CENPF: variants seen among roughly 807,000 people sequenced by gnomAD.
CENPF encodes the protein centromere protein F.
In CENPF, 214 loss-of-function variants were observed where a neutral mutation model predicts 307.3. The ratio of observed to expected loss-of-function variants is 0.70; its 90% CI spans 0.62 to 0.78. CENPF has a LOEUF of 0.78. CENPF is among the 30% of genes least tolerant of loss of function. The pLI is 0.00. For missense variants in CENPF, 3,401 were observed against 3,483.9 expected, an observed-to-expected ratio of 0.98 and a Z score of 0.60; for synonymous variants, 1,259 against 1,270.6, an observed-to-expected ratio of 0.99 and a Z score of 0.19.
At chr1:214,619,088 C>A in intron 4 of CENPF, 41 bp from the exon 5 acceptor site, 1 of 993,892 alleles carries the variant, frequency 1.0e-6, no homozygotes, top group Non-Finnish European at 1.6e-6. Context: ...TTCATGGAAT[C>A]AATGACTGAA....
chr1:214,645,298 G>T lies in CENPF; in HGVS notation c.5728G>T (p.Glu1910Ter). ...AAATGAGCTGAGTAGGATCAGATCGGAGAAAGCTAGCATTGAGCATGAAGC... is the reference window on the plus strand; with the variant it reads ...AAATGAGCTGAGTAGGATCAGATCGTAGAAAGCTAGCATTGAGCATGAAGC... ...VENELSRIRS[E>*]KASIEHEALY... Residue 1910 changes from glutamate to a stop codon, truncating the protein, a stop_gained, in exon 13 of 20, where the codon GAG (glutamate) becomes TAG (stop). Coordinates refer to ENST00000366955, the MANE Select transcript of CENPF (RefSeq NM_016343.4). LOFTEE classifies it high-confidence loss of function. 6.2e-7 allele frequency: 1 copy of T among 1,614,126 alleles called. No individual in the cohort carries two copies. The highest frequency in any genetic ancestry group is 8.5e-7 in the Non-Finnish European group (1 of 1,180,020).
rs1298566753 is a variant in CENPF at position 214,659,876 on chromosome 1, G to C, written c.9141+848G>C. On this transcript the variant is annotated intron_variant, in intron 19 of 19. Coordinates refer to ENST00000366955, the MANE Select transcript of CENPF (RefSeq NM_016343.4). This position sits in a 1 kb window ranked among gnomAD's most constrained non-coding sequence, Gnocchi z 4.4. The stretch of plus-strand genomic sequence containing the variant: ...GATATTTTTGGAAGTTGCTGGAATA[G>C]CTTCAAAGAGTTTGAACAGTCTGTG... Among the ~76,000 whole-genome samples, 2 of 152,112 alleles carry C rather than the reference G, an allele frequency of 1.3e-5. No individual in the cohort carries two copies. Among genetic ancestry groups the C allele is most frequent in the African/African-American group, 4.8e-5 (2 of 41,426 alleles).
At chr1:214,629,844 G>T (rs979649577) in intron 8 of CENPF, among the ~76,000 whole-genome samples, 1 of 152,178 alleles carries the variant, frequency 6.6e-6, no homozygotes, top group African/African-American at 2.4e-5. Context: ...GAGCCACCAT[G>T]CCTGGCCAAC....
At position 214,646,894 on chromosome 1, in the gene CENPF, A is replaced by G. The variant is rs776683594; in HGVS notation, c.7324A>G (p.Met2442Val). 6.8e-6 allele frequency: 11 copies of G among 1,614,086 alleles called. No individual in the cohort carries two copies. In the South Asian group the frequency reaches 7.7e-5, roughly 11 times the overall value. ...AGAAAAATCAAGCACTGCCATGGAG[A>G]TGCTTCAAACACAATTAAAAGAGCT... ...MKEKSSTAME[M>V]LQTQLKELNE... is the part of the protein sequence containing the mutation. The change falls in exon 13 of 20, where the codon ATG (methionine) becomes GTG (valine). Residue 2442 changes from methionine to valine, a missense_variant. Physicochemically the swap from Met to Val is conservative, Grantham distance 21. Transcript: ENST00000366955.
rs765070626 is a variant in CENPF at position 214,646,644 on chromosome 1, G to A, written c.7074G>A (p.Glu2358=). The change falls in exon 13 of 20, where the codon GAG becomes GAA. Residue 2358 remains glutamate (E), a synonymous_variant. Coordinates refer to ENST00000366955, the MANE Select transcript of CENPF (RefSeq NM_016343.4). ...ARTNQEHAAL[E]AENSKGEVET... is the part of the protein sequence containing the mutation. ...CAAACCAAGAGCATGCAGCTCTTGA[G>A]GCAGAGAATTCCAAAGGAGAGGTAG... The A allele has an allele frequency of 6.2e-7, 1 of 1,613,962 alleles. No homozygotes were observed. The highest frequency in any genetic ancestry group is 8.5e-7 in the Non-Finnish European group (1 of 1,179,958).
At chr1:214,617,143 C>A (rs1357429566) in intron 3 of CENPF, among the ~76,000 whole-genome samples, 4 of 151,858 alleles carry the variant, frequency 2.6e-5, no homozygotes, top group Non-Finnish European at 4.4e-5. Context: ...CCTCCGCCTC[C>A]TGGGTTCAAG....
At position 214,639,939 on chromosome 1, in the gene CENPF, A is replaced by T; in HGVS notation, c.1601A>T (p.Glu534Val). 1 of 1,535,442 alleles carries T rather than the reference A, an allele frequency of 6.5e-7. No individual in the cohort carries two copies. The highest frequency in any genetic ancestry group is 8.7e-7 in the Non-Finnish European group (1 of 1,150,034). The part of the protein sequence containing the change: ...EEMKAKNTSQ[E>V]TMLRDLQEKI... The stretch of plus-strand genomic sequence containing the variant: ...TAAATAGCGAAGAATACCTCTCAGG[A>T]AACCATGTTAAGAGATCTTCAAGAA... The change falls in exon 12 of 20, where the codon GAA becomes GTA. Residue 534 changes from glutamate (E) to valine (V), a missense_variant. By Grantham distance (121) the Glu-to-Val change is moderately radical. Coordinates refer to ENST00000366955, the MANE Select transcript of CENPF (RefSeq NM_016343.4).
rs759576620 is a variant in CENPF, at chr1:214,647,432, T to C, written c.7830+32T>C. 3.2e-6 allele frequency: 5 copies of C among 1,559,630 alleles called. No individual in the cohort carries two copies. The Admixed American group carries it at 7.6e-5, about 24-fold the overall frequency. On this transcript the variant is annotated intron_variant, in intron 13 of 19. Transcript: ENST00000366955. ...GGCTATATCTGTTTATGTTTAAATA[T>C]GTAGTCATGAGGCAGGAAACCATAT...
intron 10 of CENPF, among the ~76,000 whole-genome samples, chr1:214,635,799 G>A (rs1324793261): frequency 6.6e-6 from 1 of 152,082 alleles, no homozygotes; most frequent in Admixed American, 6.5e-5. Context: ...TCATTTAAAT[G>A]TCTCCAGTTA....
chr1:214,641,231 AATAAAAGGGAAATTGAAG>A lies in CENPF; in HGVS notation c.2895_2912del (p.Asn965_Glu971delinsLys). ...AGAAATGAGTTCCATCATTTCTCTA[AATAAAAGGGAAATTGAAG>A]AGCTGACCCAAGAGAATGGGACTCT... is the stretch of plus-strand genomic sequence containing the variant. On this transcript the variant is annotated inframe_deletion, in exon 12 of 20. Transcript: ENST00000366955. The A allele has an allele frequency of 6.2e-7, 1 of 1,603,420 alleles. No homozygotes were observed.
intron 1 of CENPF, among the ~76,000 whole-genome samples, chr1:214,611,274 A>G (rs1231985987): frequency 1.3e-5 from 2 of 152,138 alleles, no homozygotes; most frequent in Non-Finnish European, 2.9e-5. Context: ...TTTGGGCAGT[A>G]TGGCCATTTC....
chr1:214,626,427 T>A lies in CENPF; in HGVS notation c.1069-2619T>A, dbSNP rs116796955. On this transcript the variant is annotated intron_variant, in intron 7 of 19. Coordinates refer to ENST00000366955, the MANE Select transcript of CENPF (RefSeq NM_016343.4). ...CTGGAAGTAAAAATCAGGTTCATTT[T>A]TATATATTCTCCTAGTGCAGTGCCT... Among the ~76,000 whole-genome samples the A allele has an allele frequency of 5.0e-3, 755 of 152,350 alleles. 4 individuals are homozygous for A. Among genetic ancestry groups the A allele is most frequent in the African/African-American group, 0.017 (725 of 41,570 alleles).
chr1:214,647,461 C>A (rs1261851326), intron 13 of CENPF, 61 bp downstream of exon 13: 1 of 1,482,936 alleles, frequency 6.7e-7, no homozygotes, highest in Non-Finnish European at 9.0e-7. Context: ...ACCATATTTT[C>A]TTCTAGACAC....
chr1:214,608,826 C>T (rs1016335916), intron 1 of CENPF: 5 of 1,594,050 alleles, frequency 3.1e-6, no homozygotes, highest in East Asian at 2.3e-5. Flanking sequence ...GCTCACTCAG[C>T]GACAGCCCGT....
intron 13 of CENPF, 39 bp downstream of exon 13, chr1:214,647,439 A>G: frequency 3.9e-6 from 6 of 1,540,004 alleles, no homozygotes; most frequent in Non-Finnish European, 5.2e-6. Flanking sequence ...ATATGTAGTC[A>G]TGAGGCAGGA....
intron 6 of CENPF, among the ~76,000 whole-genome samples, chr1:214,621,834 C>A (rs928268179): frequency 1.3e-5 from 2 of 152,160 alleles, no homozygotes; most frequent in African/African-American, 4.8e-5. Context: ...AAAAGCATTC[C>A]CCCCACCAAG....
intron 1 of CENPF, chr1:214,608,224 C>G: frequency 1.5e-6 from 2 of 1,348,696 alleles, no homozygotes. Flanking sequence ...GAGCCGCCCA[C>G]CTTCCTCCCA....
At position 214,643,162 on chromosome 1, in the gene CENPF, G is replaced by T. The variant is rs943451935; in HGVS notation, c.4824G>T (p.Gln1608His). The T allele has an allele frequency of 2.5e-6, 4 of 1,601,138 alleles. No homozygotes were observed. The highest frequency in any genetic ancestry group is 2.2e-5 in the South Asian group (2 of 88,954). ...AGCAGTATTTGTCAGAAAATGAACA[G>T]TGGCAACAGAAGCTGACAAGCGTGA... is the stretch of plus-strand genomic sequence containing the variant. The part of the protein sequence containing the change: ...LRKQYLSENE[Q>H]WQQKLTSVTL... Residue 1608 changes from glutamine to histidine, a missense_variant, in exon 12 of 20, where the codon CAG becomes CAT. By Grantham distance (24) the Gln-to-His change is conservative. Transcript: ENST00000366955.
intron 15 of CENPF, 117 bp from the exon 16 acceptor site, chr1:214,652,710 TG>T (rs1441519577): frequency 2.4e-6 from 2 of 824,038 alleles, no homozygotes; most frequent in Non-Finnish European, 3.6e-6. Context: ...CCCAAAGTGC[TG>T]GGATTACAGG....
Sources: gnomAD v4.1 joint callset for allele counts (sites outside exome capture counted in the v4.1 genomes callset) on GRCh38, gnomAD v4.1.1 for gene constraint, Gnocchi (gnomAD v3.1) non-coding constraint, MANE v1.5 for transcripts, NCBI Gene and HGNC (gene_info 2026-07-23, HGNC 2026-07-21) for gene names.